CNTLN: variants seen among roughly 807,000 people sequenced by gnomAD.
CNTLN encodes the protein centlein, also known as centlein, centrosomal protein.
In CNTLN, 212 loss-of-function variants were observed where a neutral mutation model predicts 180.0. The observed-to-expected ratio is 1.18, with a 90% CI of 1.05 to 1.32. CNTLN has a LOEUF of 1.32. Ranked by LOEUF, CNTLN falls within the 40% of genes most tolerant of loss-of-function variation. CNTLN has a pLI of 0.00. For synonymous variants in CNTLN, 722 were observed against 563.1 expected (o/e 1.28, Z -3.99); for missense variants, 2,095 against 1,610.9 (o/e 1.30, Z -5.14).
At chr9:17,219,426 G>C (rs1373145289) in intron 2 of CNTLN, among the ~76,000 whole-genome samples, 1 of 151,876 alleles carries the variant, frequency 6.6e-6, no homozygotes, top group Non-Finnish European at 1.5e-5. Context: ...GCATTTTCCT[G>C]TTATGAAAAT....
At chr9:17,218,158 A>T (rs1030098451) in intron 2 of CNTLN, among the ~76,000 whole-genome samples, 3 of 152,260 alleles carry the variant, frequency 2.0e-5, no homozygotes, top group Middle Eastern at 3.4e-3. Flanking sequence ...AATTTTAAAC[A>T]TGTATTTTAT....
At chr9:17,188,583 C>G (rs889413446) in intron 2 of CNTLN, among the ~76,000 whole-genome samples, 2 of 152,216 alleles carry the variant, frequency 1.3e-5, no homozygotes, top group South Asian at 4.2e-4. Flanking sequence ...GTGAAAGGAT[C>G]TTAGGCAATG....
chr9:17,157,987 T>C (rs978460646), intron 2 of CNTLN, among the ~76,000 whole-genome samples: 1 of 152,214 alleles, frequency 6.6e-6, no homozygotes, highest in Non-Finnish European at 1.5e-5. Flanking sequence ...GTATGTAAGA[T>C]ATATGTTAAA....
At chr9:17,413,461 A>G (rs1451770391) in intron 16 of CNTLN, among the ~76,000 whole-genome samples, 1 of 152,140 alleles carries the variant, frequency 6.6e-6, no homozygotes, top group Admixed American at 6.5e-5. Flanking sequence ...GACACTATAT[A>G]GAAGAGGAAA....
At chr9:17,488,056 G>A (rs140694268) in intron 25 of CNTLN, among the ~76,000 whole-genome samples, 2 of 152,168 alleles carry the variant, frequency 1.3e-5, no homozygotes, top group East Asian at 1.9e-4. Context: ...CATTGTAAAT[G>A]TTTCTGTGTA....
intron 19 of CNTLN, among the ~76,000 whole-genome samples, chr9:17,460,283 G>A (rs1458298715): frequency 1.3e-5 from 2 of 151,622 alleles, no homozygotes; most frequent in African/African-American, 4.8e-5. Flanking sequence ...ACTATACTAT[G>A]CAAATTTTAA....
intron 2 of CNTLN, among the ~76,000 whole-genome samples, chr9:17,194,946 A>G (rs1174272837): frequency 6.6e-6 from 1 of 152,088 alleles, no homozygotes; most frequent in Non-Finnish European, 1.5e-5. Flanking sequence ...CCCTGATAAA[A>G]CCATCAGATC....
chr9:17,411,546 C>A (rs1827841942), intron 16 of CNTLN, among the ~76,000 whole-genome samples: 1 of 152,180 alleles, frequency 6.6e-6, no homozygotes, highest in Non-Finnish European at 1.5e-5. Flanking sequence ...TGCAGACTGG[C>A]ACCTGTTGTG....
chr9:17,141,622 G>T (rs1167146617), intron 1 of CNTLN, among the ~76,000 whole-genome samples: 3 of 152,180 alleles, frequency 2.0e-5, no homozygotes, highest in African/African-American at 7.2e-5. Context: ...GGAGAGTTTT[G>T]AGTTGTAAGG....
intron 2 of CNTLN, among the ~76,000 whole-genome samples, chr9:17,155,327 G>A (rs1819197153): frequency 6.6e-6 from 1 of 152,208 alleles, no homozygotes; most frequent in African/African-American, 2.4e-5. Context: ...CATTTGAGGA[G>A]GCAGACTGAC....
In CNTLN at chr9:17,288,765, C is replaced by T. The variant is rs552955969; in HGVS notation, c.984-9425C>T. Reference sequence around the variant, plus strand: ...TGATCCCTTTACCATTATGTAATGGCCTTCTTTGTCTCTTTTGATCTTTGT... The same window carrying T: ...TGATCCCTTTACCATTATGTAATGGTCTTCTTTGTCTCTTTTGATCTTTGT... On this transcript the variant is annotated intron_variant, in intron 6 of 25. Coordinates refer to ENST00000380647, the MANE Select transcript of CNTLN (RefSeq NM_017738.4). Among the ~76,000 whole-genome samples the T allele has an allele frequency of 2.2e-5, 3 of 136,862 alleles. 1 individual carries two copies. In the East Asian group the frequency reaches 6.2e-4, roughly 28 times the overall value. 89.8% of individuals were successfully genotyped at this position (136,862 alleles called of 152,430 possible).
chr9:17,309,170 C>G lies in CNTLN; in HGVS notation c.1259C>G (p.Ala420Gly). The G allele has an allele frequency of 1.2e-6, 2 of 1,610,366 alleles. No homozygotes were observed. The highest frequency in any genetic ancestry group is 2.2e-5 in the East Asian group (1 of 44,746). ...CTATTACAAAAAGAGCAAGAAAATG[C>G]TAAGTTAAAAGAAAAACTTCAGGAA... ...DQLLQKEQEN[A>G]KLKEKLQESQ... The change falls in exon 8 of 26, where the codon GCT becomes GGT. Residue 420 changes from alanine to glycine, a missense_variant. Transcript: ENST00000380647.
intron 2 of CNTLN, among the ~76,000 whole-genome samples, chr9:17,152,069 G>C (rs1818923801): frequency 1.3e-5 from 2 of 151,928 alleles, no homozygotes; most frequent in African/African-American, 4.8e-5. Flanking sequence ...TTATTAGTCT[G>C]GCTAGCAGTC....
rs778349352 is a variant in CNTLN, at chr9:17,340,836, A to T, written c.1654A>T (p.Asn552Tyr). 6.2e-7 allele frequency: 1 copy of T among 1,610,400 alleles called. No individual in the cohort carries two copies. The change falls in exon 11 of 26, where the codon AAT (asparagine) becomes TAT (tyrosine). Residue 552 changes from asparagine to tyrosine, a missense_variant. Asn to Tyr is a moderately radical substitution (Grantham distance 143). Coordinates refer to ENST00000380647, the MANE Select transcript of CNTLN (RefSeq NM_017738.4). ...EKALQLKSQE[N>Y]DELRDAHEKR... ...TTTTTGTGTTCTACAGAGCCAAGAAAATGATGAGCTAAGAGATGCCCATGA... is the reference window on the plus strand; with the variant it reads ...TTTTTGTGTTCTACAGAGCCAAGAATATGATGAGCTAAGAGATGCCCATGA...
intron 7 of CNTLN, among the ~76,000 whole-genome samples, chr9:17,307,574 T>TA (rs1818807893): frequency 6.7e-6 from 1 of 149,594 alleles, no homozygotes; most frequent in Non-Finnish European, 1.5e-5. Context: ...CAGCCAGAGA[T>TA]ACATTTTTTT....
Position 17,143,283 on chromosome 9 carries a change from T to G in CNTLN, c.361-5T>G. The G allele has an allele frequency of 6.2e-7, 1 of 1,607,128 alleles. No individual in the cohort carries two copies. The highest frequency in any genetic ancestry group is 1.1e-5 in the South Asian group (1 of 90,292). Reference sequence around the variant, plus strand: ...TGCATCTAAATTCTCTTTTATTTCTTTAAGGCTGATAAAGAATTTGTATGG... The same window carrying G: ...TGCATCTAAATTCTCTTTTATTTCTGTAAGGCTGATAAAGAATTTGTATGG... On this transcript the variant is annotated splice_region_variant and splice_polypyrimidine_tract_variant and intron_variant, in intron 1 of 25. Transcript: ENST00000380647.
At chr9:17,389,302 T>C (rs898566979) in intron 14 of CNTLN, among the ~76,000 whole-genome samples, 2 of 152,164 alleles carry the variant, frequency 1.3e-5, no homozygotes, top group African/African-American at 4.8e-5. Flanking sequence ...AATTAATCTA[T>C]GCACTACCAG....
At chr9:17,296,809 T>A (rs770104136) in intron 6 of CNTLN, among the ~76,000 whole-genome samples, 1 of 152,222 alleles carries the variant, frequency 6.6e-6, no homozygotes, top group Non-Finnish European at 1.5e-5. Flanking sequence ...TGTATCTGTA[T>A]GGATGCAGGG....
At chr9:17,494,382 A>T (rs1474666304) in intron 25 of CNTLN, among the ~76,000 whole-genome samples, 1 of 152,046 alleles carries the variant, frequency 6.6e-6, no homozygotes, top group Non-Finnish European at 1.5e-5. Context: ...ATTAACTTTT[A>T]TTTTAGGTTT....
Sources: allele counts gnomAD v4.1 joint callset (sites outside exome capture counted in the v4.1 genomes callset), GRCh38; gene constraint gnomAD v4.1.1; transcripts MANE v1.5; gene names NCBI Gene and HGNC (gene_info 2026-07-23, HGNC 2026-07-21).